Variants in COL4A2 observed in about 807,000 individuals in gnomAD.
The protein encoded by COL4A2 is collagen type IV alpha 2 chain.
A neutral mutation model predicts 200.2 loss-of-function variants in COL4A2; 99 were observed. The observed-to-expected ratio is 0.49, with a 90% CI of 0.42 to 0.58. The LOEUF is 0.58. Among genes scored for constraint, COL4A2 ranks in the 20% least tolerant of loss-of-function variants. The probability of loss-of-function intolerance (pLI) is 0.00; values close to 1 mark genes in which losing one functional copy is unlikely to be tolerated. For synonymous variants in COL4A2, 897 were observed against 900.6 expected (o/e 1.00, Z 0.07); for missense variants, 1,950 against 2,314.1 (o/e 0.84, Z 3.23).
intron 33 of COL4A2, 29 bp from the exon 34 acceptor site, chr13:110,485,624 CAG>C (rs946734906): frequency 1.9e-6 from 3 of 1,557,270 alleles, no homozygotes; most frequent in East Asian, 2.3e-5. Context: ...GCGTCCTCAC[CAG>C]AGTGTTACAC....
intron 4 of COL4A2, among the ~76,000 whole-genome samples, chr13:110,415,758 C>T (rs143191759): frequency 5.0e-3 from 764 of 152,352 alleles, no homozygotes; most frequent in Non-Finnish European, 8.0e-3. Flanking sequence ...CTCAACTCAC[C>T]GGGAGCCCGC....
At chr13:110,424,010 A>G (rs1034441101) in intron 4 of COL4A2, among the ~76,000 whole-genome samples, 3 of 152,106 alleles carry the variant, frequency 2.0e-5, no homozygotes, top group African/African-American at 7.2e-5. Context: ...CTGTGCGTGT[A>G]AGTGTACCAA....
At chr13:110,422,546 TTGACAGGAC>T (rs2139451293) in intron 4 of COL4A2, among the ~76,000 whole-genome samples, 1 of 152,294 alleles carries the variant, frequency 6.6e-6, no homozygotes, top group East Asian at 1.9e-4. Flanking sequence ...TGATGTGGCA[TTGACAGGAC>T]CCCTCTGGGA....
At position 110,508,263 on chromosome 13, in the gene COL4A2, G is replaced by A. The variant is rs767819130; in HGVS notation, c.4881+42G>A. 1 of 1,600,648 alleles carries A rather than the reference G, an allele frequency of 6.2e-7. No individual in the cohort carries two copies. On this transcript the variant is annotated intron_variant, in intron 47 of 47. Coordinates refer to ENST00000360467, the MANE Select transcript of COL4A2 (RefSeq NM_001846.4). This position sits in a 1 kb window ranked among gnomAD's most constrained non-coding sequence, Gnocchi z 6.1. ...CAGTTCCCCTCCCCAACCACACCCT[G>A]CTGGGGACACAGCAAGAACAGCTGC...
At chr13:110,450,562 C>A in intron 20 of COL4A2, 108 bp downstream of exon 20, 3 of 1,293,010 alleles carry the variant, frequency 2.3e-6, no homozygotes, top group South Asian at 2.7e-5. Context: ...GGGAACGAAT[C>A]CAGTAGGCCA....
At chr13:110,375,131 C>T (rs983947497) in intron 4 of COL4A2, among the ~76,000 whole-genome samples, 2 of 152,192 alleles carry the variant, frequency 1.3e-5, no homozygotes, top group East Asian at 1.9e-4. Context: ...CGATACTTCT[C>T]GCCATTCAGG....
chr13:110,450,181 A>T (rs1484232264), intron 19 of COL4A2, 124 bp from the exon 20 acceptor site: 1 of 755,872 alleles, frequency 1.3e-6, no homozygotes, highest in East Asian at 2.5e-5. Context: ...GCTTCTACCC[A>T]TCGGAGTTAT....
intron 3 of COL4A2, among the ~76,000 whole-genome samples, chr13:110,345,470 A>G (rs578029641): frequency 6.6e-6 from 1 of 152,272 alleles, no homozygotes; most frequent in African/African-American, 2.4e-5. Context: ...ATCAGAGGAC[A>G]GCAGATGCTG....
intron 45 of COL4A2, among the ~76,000 whole-genome samples, chr13:110,505,676 G>A (rs2098197439): frequency 6.6e-6 from 1 of 152,190 alleles, no homozygotes; most frequent in Non-Finnish European, 1.5e-5. Context: ...ACCCCCGTGT[G>A]CTCCTCGGGT....
In COL4A2 at chr13:110,322,540, G is replaced by A. The variant is rs181680012; in HGVS notation, c.99+14417G>A. 6.7e-4 allele frequency among the ~76,000 whole-genome samples: 102 copies of A among 152,322 alleles called. 1 individual carries two copies. Among genetic ancestry groups the A allele is most frequent in the Non-Finnish European group, 6.0e-4 (41 of 68,034 alleles). On this transcript the variant is annotated intron_variant, in intron 3 of 47. Transcript: ENST00000360467. ...GGATGGACGCGTCAAGACAAGGGGA[G>A]AAGACATATGGGGAACCCCGGGAGG...
chr13:110,467,149 C>A, intron 27 of COL4A2, 53 bp downstream of exon 27: 1 of 1,609,068 alleles, frequency 6.2e-7, no homozygotes, highest in Non-Finnish European at 8.5e-7. Flanking sequence ...CACATCTTCA[C>A]ACTGCTGTGT....
chr13:110,330,229 A>G (rs1347602440), intron 3 of COL4A2, among the ~76,000 whole-genome samples: 1 of 152,210 alleles, frequency 6.6e-6, no homozygotes, highest in Non-Finnish European at 1.5e-5. Context: ...AGCTAAATAA[A>G]GGAATTTTCG....
chr13:110,398,965 C>A (rs1879278079), intron 4 of COL4A2, among the ~76,000 whole-genome samples: 1 of 151,894 alleles, frequency 6.6e-6, no homozygotes, highest in Non-Finnish European at 1.5e-5. Context: ...CAAAGGAGAT[C>A]AACCACAAAT....
intron 13 of COL4A2, among the ~76,000 whole-genome samples, chr13:110,436,757 T>C (rs535312409): frequency 6.6e-6 from 1 of 152,348 alleles, no homozygotes; most frequent in Admixed American, 6.5e-5. Flanking sequence ...TTTGCTGACA[T>C]GAAGCACCTT....
chr13:110,469,419 A>G, intron 28 of COL4A2, 95 bp downstream of exon 28: 2 of 1,285,550 alleles, frequency 1.6e-6, no homozygotes, highest in Non-Finnish European at 2.1e-6. Flanking sequence ...TCCACTTTGT[A>G]GAAGCTGTTT....
intron 4 of COL4A2, among the ~76,000 whole-genome samples, chr13:110,398,488 G>A (rs569319391): frequency 3.3e-5 from 5 of 152,230 alleles, no homozygotes; most frequent in South Asian, 2.1e-4. Flanking sequence ...GTGAAACCCC[G>A]ACTCTACTAA....
chr13:110,437,351 T>G (rs1189274169), intron 13 of COL4A2, among the ~76,000 whole-genome samples: 2 of 152,170 alleles, frequency 1.3e-5, no homozygotes, highest in Non-Finnish European at 2.9e-5. Context: ...CGAGTCAAGT[T>G]TCCCACCTTT....
At chr13:110,408,519 G>C (rs1352066604) in intron 4 of COL4A2, among the ~76,000 whole-genome samples, 1 of 152,248 alleles carries the variant, frequency 6.6e-6, no homozygotes, top group Non-Finnish European at 1.5e-5. Context: ...GCTCCTGTCT[G>C]ATGTGAGAGG....
At chr13:110,499,687 A>T (rs996991820) in intron 40 of COL4A2, among the ~76,000 whole-genome samples, 9 of 152,184 alleles carry the variant, frequency 5.9e-5, no homozygotes, top group African/African-American at 2.2e-4. Flanking sequence ...AGACTCTTTT[A>T]TGTCAGTACT....
Sources: gnomAD v4.1 joint callset for allele counts (sites outside exome capture counted in the v4.1 genomes callset) on GRCh38, gnomAD v4.1.1 for gene constraint, Gnocchi (gnomAD v3.1) non-coding constraint, MANE v1.5 for transcripts, NCBI Gene and HGNC (gene_info 2026-07-23, HGNC 2026-07-21) for gene names.